The following NEUROD2 variants were observed in gnomAD, a reference collection of about 807,000 sequenced individuals.
NEUROD2 encodes neuronal differentiation 2, also known as neurogenic differentiation factor 2.
In NEUROD2, 5 loss-of-function variants were observed where a neutral mutation model predicts 9.3. The observed-to-expected ratio is 0.54, with a 90% CI of 0.28 to 1.13. The LOEUF (loss-of-function observed/expected upper bound fraction) is 1.13. NEUROD2 is among the 50% of genes most tolerant of loss of function. NEUROD2 has a pLI of 0.10. For synonymous variants in NEUROD2, 277 were observed against 257.3 expected (o/e 1.08, Z -0.73); for missense variants, 376 against 549.2 (o/e 0.68, Z 3.15).
rs757097176 is a variant in NEUROD2, at chr17:39,606,358, C to T, written c.242G>A (p.Gly81Glu). ...AEVKEEGELG[G>E]EEEEEEEEEE... ...CTCCTCCTCTTCCTCCTCCTCCTCT[C>T]CCCCCAGCTCGCCTTCCTCCTTGAC... The change falls in exon 2 of 2, where the codon GGA becomes GAA. Residue 81 changes from glycine (G) to glutamate (E), a missense_variant. Coordinates refer to ENST00000302584, the MANE Select transcript of NEUROD2 (RefSeq NM_006160.4). This position sits in a 1 kb window ranked among gnomAD's most constrained non-coding sequence, Gnocchi z 7.8. 10 of 1,572,058 alleles carry T rather than the reference C, an allele frequency of 6.4e-6. No individual in the cohort carries two copies. Among genetic ancestry groups the T allele is most frequent in the East Asian group, 4.7e-5 (2 of 42,770 alleles).
In NEUROD2 at chr17:39,603,966, C is replaced by T. The variant is rs1298054594; in HGVS notation, c.*1485G>A. The stretch of plus-strand genomic sequence containing the variant: ...GCATCGTGTATTTGGATGCCTGATC[C>T]CCTGCCTCCGGTGGGCAGAGGGTCT... On this transcript the variant is annotated 3_prime_UTR_variant, in exon 2 of 2. Transcript: ENST00000302584. 1 of 152,710 alleles carries T rather than the reference C, an allele frequency of 6.5e-6. No homozygotes were observed. Among genetic ancestry groups the T allele is most frequent in the Non-Finnish European group, 1.5e-5 (1 of 68,040 alleles). The allele number at this position is 152,710 out of a possible 1,614,324, so 9.5% of individuals were successfully genotyped here. A position where few individuals can be genotyped will look rare whatever the true frequency, so the allele number is the denominator to read the frequency against.
In NEUROD2 at chr17:39,605,118, G is replaced by A; in HGVS notation, c.*333C>T. The A allele has an allele frequency of 4.5e-6, 1 of 223,390 alleles. No individual in the cohort carries two copies. Among genetic ancestry groups the A allele is most frequent in the Admixed American group, 5.7e-5 (1 of 17,480 alleles). 13.8% of individuals were successfully genotyped at this position (223,390 alleles called of 1,614,324 possible). ...AACGCCTTGGGCCTGCAGGGAGGAG[G>A]GGGAGGAGGAAACCTCAGCGAAGAT... is the stretch of plus-strand genomic sequence containing the variant. On this transcript the variant is annotated 3_prime_UTR_variant, in exon 2 of 2. Coordinates refer to ENST00000302584, the MANE Select transcript of NEUROD2 (RefSeq NM_006160.4). This position sits in a 1 kb window ranked among gnomAD's most constrained non-coding sequence, Gnocchi z 6.8.
rs2056770370 is a variant in NEUROD2, at chr17:39,606,690, C to T, written c.-5-86G>A. The T allele has an allele frequency of 2.2e-6, 3 of 1,336,618 alleles. No individual in the cohort carries two copies. The highest frequency in any genetic ancestry group is 2.9e-5 in the East Asian group (1 of 34,814). 82.8% of individuals were successfully genotyped at this position (1,336,618 alleles called of 1,614,324 possible). ...GGTACCGACGCCCCCCCACAACCCT[C>T]CTCCACCCCCGAGTCTCGTGCGGGC... On this transcript the variant is annotated intron_variant, in intron 1 of 1. Coordinates refer to ENST00000302584, the MANE Select transcript of NEUROD2 (RefSeq NM_006160.4). The surrounding 1 kb of genome is among the most constrained non-coding windows in gnomAD (Gnocchi z 7.8).
rs2056762999 is a variant in NEUROD2, at chr17:39,605,360, G to T, written c.*91C>A. On this transcript the variant is annotated 3_prime_UTR_variant, in exon 2 of 2. Transcript: ENST00000302584. This position sits in a 1 kb window ranked among gnomAD's most constrained non-coding sequence, Gnocchi z 6.8. Reference sequence around the variant, plus strand: ...TGGCCCGCTCCCCGCGCCCGGCGCCGGGGTAGGATGGGGGTGTCCCTGCGC... The same window carrying T: ...TGGCCCGCTCCCCGCGCCCGGCGCCTGGGTAGGATGGGGGTGTCCCTGCGC... 1.4e-6 allele frequency: 2 copies of T among 1,427,340 alleles called. No individual in the cohort carries two copies. Among genetic ancestry groups the T allele is most frequent in the Admixed American group, 2.8e-5 (1 of 35,202 alleles). The allele number at this position is 1,427,340 out of a possible 1,614,324, so 88.4% of individuals were successfully genotyped here.
At position 39,605,559 on chromosome 17, in the gene NEUROD2, C is replaced by A; in HGVS notation, c.1041G>T (p.Ser347=). 1 of 1,613,540 alleles carries A rather than the reference C, an allele frequency of 6.2e-7. No homozygotes were observed. The highest frequency in any genetic ancestry group is 8.5e-7 in the Non-Finnish European group (1 of 1,179,846). ...CCGAGTGGACGCCCCCGCGCACAGCCGACGAGCCGAAGACTAGCCCGTGGC... is the reference window on the plus strand; with the variant it reads ...CCGAGTGGACGCCCCCGCGCACAGCAGACGAGCCGAAGACTAGCCCGTGGC... ...PTGHGLVFGS[S]AVRGGVHSEN... The change falls in exon 2 of 2, where the codon TCG becomes TCT. Residue 347 remains serine (S), a synonymous_variant. Transcript: ENST00000302584. The surrounding 1 kb of genome is among the most constrained non-coding windows in gnomAD (Gnocchi z 6.8).
rs1343527570 is a variant in NEUROD2, at chr17:39,606,561, C to G, written c.39G>C (p.Ser13=). Residue 13 remains serine, a synonymous_variant, in exon 2 of 2, where the codon TCG becomes TCC. Transcript: ENST00000302584. This position sits in a 1 kb window ranked among gnomAD's most constrained non-coding sequence, Gnocchi z 7.8. ...TRLFSEPGLL[S]DVPKFASWGD... is the part of the protein sequence containing the mutation. The stretch of plus-strand genomic sequence containing the variant: ...CCCAGCTGGCGAACTTGGGCACGTC[C>G]GAGAGAAGGCCGGGCTCGCTGAACA... 2 of 1,584,532 alleles carry G rather than the reference C, an allele frequency of 1.3e-6. No individual in the cohort carries two copies. The highest frequency in any genetic ancestry group is 2.7e-5 in the African/African-American group (2 of 73,188).
Position 39,605,486 on chromosome 17 carries a change from T to C in NEUROD2, c.1114A>G (p.Met372Val), listed in dbSNP as rs754276357. ...DMHLHHDRGP[M>V]YEELNAFFHN ...AAAAACGCATTGAGCTCCTCGTACA[T>C]GGGGCCCCGGTCGTGGTGAAGGTGC... Residue 372 changes from methionine to valine, a missense_variant, in exon 2 of 2, where the codon ATG becomes GTG. Physicochemically the swap from Met to Val is conservative, Grantham distance 21 (BLOSUM62 1). Transcript: ENST00000302584. The surrounding 1 kb of genome is among the most constrained non-coding windows in gnomAD (Gnocchi z 6.8). The C allele has an allele frequency of 1.9e-6, 3 of 1,605,506 alleles. No homozygotes were observed. Among genetic ancestry groups the C allele is most frequent in the African/African-American group, 1.3e-5 (1 of 74,540 alleles).
Position 39,606,600 on chromosome 17 carries a change from G to C in NEUROD2, c.-1C>G. The C allele has an allele frequency of 6.5e-7, 1 of 1,550,250 alleles. No individual in the cohort carries two copies. The highest frequency in any genetic ancestry group is 8.6e-7 in the Non-Finnish European group (1 of 1,161,040). On this transcript the variant is annotated 5_prime_UTR_variant, in exon 2 of 2. Transcript: ENST00000302584. This position sits in a 1 kb window ranked among gnomAD's most constrained non-coding sequence, Gnocchi z 7.8. ...GCTCGCTGAACAGGCGGGTCAGCATGGTGCCTGAGGGCGCCCCGCGGGCGG... is the reference window on the plus strand; with the variant it reads ...GCTCGCTGAACAGGCGGGTCAGCATCGTGCCTGAGGGCGCCCCGCGGGCGG...
Position 39,604,826 on chromosome 17 carries a change from G to C in NEUROD2, c.*625C>G, listed in dbSNP as rs958754433. Reference sequence around the variant, plus strand: ...TTTGTTTGTTTAAAAAAAGGAAAAGGGAAAAACGGATTCTAGTTACAAATT... The same window carrying C: ...TTTGTTTGTTTAAAAAAAGGAAAAGCGAAAAACGGATTCTAGTTACAAATT... On this transcript the variant is annotated 3_prime_UTR_variant, in exon 2 of 2. Coordinates refer to ENST00000302584, the MANE Select transcript of NEUROD2 (RefSeq NM_006160.4). The C allele has an allele frequency of 3.4e-5, 4 of 117,684 alleles. No homozygotes were observed. Among genetic ancestry groups the C allele is most frequent in the African/African-American group, 1.3e-4 (4 of 29,990 alleles). 7.3% of individuals were successfully genotyped at this position (117,684 alleles called of 1,614,324 possible).
In NEUROD2 at chr17:39,605,829, C is replaced by T. The variant is rs200708991; in HGVS notation, c.771G>A (p.Leu257=). The change falls in exon 2 of 2, where the codon CTG becomes CTA. Residue 257 remains leucine (L), a synonymous_variant. Transcript: ENST00000302584. The surrounding 1 kb of genome is among the most constrained non-coding windows in gnomAD (Gnocchi z 6.8). ...GCAGGGCGTGCGCCGCGCCGCCGCCCAGGCCGCCGGCCGCCTGGCACTGTG... is the reference window on the plus strand; with the variant it reads ...GCAGGGCGTGCGCCGCGCCGCCGCCTAGGCCGCCGGCCGCCTGGCACTGTG... ...AGAQCQAAGG[L]GGGAAHALRT... is the part of the protein sequence containing the mutation. 8.9e-4 allele frequency: 1,220 copies of T among 1,369,674 alleles called. 10 individuals carry two copies. In the African/African-American group the frequency reaches 0.016, roughly 18 times the overall value. The allele number at this position is 1,369,674 out of a possible 1,614,324, so 84.8% of individuals were successfully genotyped here. A position where few individuals can be genotyped will look rare whatever the true frequency, so the allele number is the denominator to read the frequency against.
chr17:39,606,059 T>G lies in NEUROD2; in HGVS notation c.541A>C (p.Lys181Gln). Residue 181 changes from lysine to glutamine, a missense_variant, in exon 2 of 2, where the codon AAG (lysine) becomes CAG (glutamine). Lys to Gln is a moderately conservative substitution (Grantham distance 53). Around this residue, in one of 3 missense-constraint regions of NEUROD2, gnomAD observed 49 missense variants for 159.8 expected, o/e 0.31. Coordinates refer to ENST00000302584, the MANE Select transcript of NEUROD2 (RefSeq NM_006160.4). This position sits in a 1 kb window ranked among gnomAD's most constrained non-coding sequence, Gnocchi z 7.8. ...ACGTAGGACACTAGGTCTGGCCGCT[T>G]GCCGGAGCGCAGGATCTCCGAGAGC... ...WALSEILRSG[K>Q]RPDLVSYVQT... The G allele has an allele frequency of 6.2e-7, 1 of 1,613,940 alleles. No homozygotes were observed. Among genetic ancestry groups the G allele is most frequent in the Non-Finnish European group, 8.5e-7 (1 of 1,179,828 alleles).
Position 39,606,656 on chromosome 17 carries a change from G to T in NEUROD2, c.-5-52C>A, listed in dbSNP as rs2056770204. ...GGAGACAGACAGCACAAAGTGAGGGGCGCGCTGGGGTACCGACGCCCCCCC... is the reference window on the plus strand; with the variant it reads ...GGAGACAGACAGCACAAAGTGAGGGTCGCGCTGGGGTACCGACGCCCCCCC... On this transcript the variant is annotated intron_variant, in intron 1 of 1. Transcript: ENST00000302584. The surrounding 1 kb of genome is among the most constrained non-coding windows in gnomAD (Gnocchi z 7.8). The T allele has an allele frequency of 2.7e-6, 4 of 1,454,958 alleles. No homozygotes were observed. The South Asian group carries it at 5.4e-5, about 20-fold the overall frequency. 90.1% of individuals were successfully genotyped at this position (1,454,958 alleles called of 1,614,324 possible). A position where few individuals can be genotyped will look rare whatever the true frequency, so the allele number is the denominator to read the frequency against.
In NEUROD2 at chr17:39,606,366, C is replaced by G; in HGVS notation, c.234G>C (p.Glu78Asp). ...ATLAEVKEEGELGGEEEEEEE... is the reference protein window; with the variant it reads ...ATLAEVKEEGDLGGEEEEEEE... Reference sequence around the variant, plus strand: ...CTTCCTCCTCCTCCTCTCCCCCCAGCTCGCCTTCCTCCTTGACCTCGGCCA... The same window carrying G: ...CTTCCTCCTCCTCCTCTCCCCCCAGGTCGCCTTCCTCCTTGACCTCGGCCA... Residue 78 changes from glutamate (E) to aspartate (D), a missense_variant, in exon 2 of 2, where the codon GAG (glutamate) becomes GAC (aspartate). By Grantham distance (45) the Glu-to-Asp change is conservative (BLOSUM62 2). Coordinates refer to ENST00000302584, the MANE Select transcript of NEUROD2 (RefSeq NM_006160.4). This position sits in a 1 kb window ranked among gnomAD's most constrained non-coding sequence, Gnocchi z 7.8. The G allele has an allele frequency of 6.4e-7, 1 of 1,567,744 alleles. No homozygotes were observed. Among genetic ancestry groups the G allele is most frequent in the Non-Finnish European group, 8.6e-7 (1 of 1,159,270 alleles).
rs2056776388 is a variant in NEUROD2 at position 39,607,805 on chromosome 17, C to T, written c.-83G>A. The T allele has an allele frequency of 1.2e-5, 2 of 165,148 alleles. No individual in the cohort carries two copies. The highest frequency in any genetic ancestry group is 1.3e-4 in the Admixed American group (2 of 15,302). The allele number at this position is 165,148 out of a possible 1,614,324, so 10.2% of individuals were successfully genotyped here. On this transcript the variant is annotated 5_prime_UTR_variant, in exon 1 of 2. Transcript: ENST00000302584. ...AGAGAGGGGGGAGAAGAGGGATCTTCTCGCTTATTTCATTGTTCCCCCATC... is the reference window on the plus strand; with the variant it reads ...AGAGAGGGGGGAGAAGAGGGATCTTTTCGCTTATTTCATTGTTCCCCCATC...
chr17:39,607,583 G>A, intron 1 of NEUROD2, 145 bp downstream of exon 1: 1 of 984,672 alleles, frequency 1.0e-6, no homozygotes. Flanking sequence ...CTAAGGGAGA[G>A]AGAACCTGGG....
rs990256054 is a variant in NEUROD2, at chr17:39,604,604, T to C, written c.*847A>G. ...CGAGGCTCAGTGGAGCCTCCTTGCA[T>C]AGATATTTGTGTCTTTGATTATTGG... On this transcript the variant is annotated 3_prime_UTR_variant, in exon 2 of 2. Coordinates refer to ENST00000302584, the MANE Select transcript of NEUROD2 (RefSeq NM_006160.4). 2 of 151,594 alleles carry C rather than the reference T, an allele frequency of 1.3e-5. No individual in the cohort carries two copies. Among genetic ancestry groups the C allele is most frequent in the Non-Finnish European group, 2.9e-5 (2 of 67,896 alleles). The allele number at this position is 151,594 out of a possible 1,614,324, so 9.4% of individuals were successfully genotyped here. A position where few individuals can be genotyped will look rare whatever the true frequency, so the allele number is the denominator to read the frequency against.
chr17:39,606,724 A>G lies in NEUROD2; in HGVS notation c.-5-120T>C, dbSNP rs2056770566. ...CCGAGTCTCGTGCGGGCTCCTGCCT[A>G]GGCTACCCTGGATGCCCACCTCCGC... On this transcript the variant is annotated intron_variant, in intron 1 of 1. Transcript: ENST00000302584. The surrounding 1 kb of genome is among the most constrained non-coding windows in gnomAD (Gnocchi z 7.8). The G allele has an allele frequency of 8.9e-7, 1 of 1,126,066 alleles. No homozygotes were observed. Among genetic ancestry groups the G allele is most frequent in the African/African-American group, 1.7e-5 (1 of 59,856 alleles). 69.8% of individuals were successfully genotyped at this position (1,126,066 alleles called of 1,614,324 possible).
At position 39,607,469 on chromosome 17, in the gene NEUROD2, G is replaced by A. The variant is rs112075252; in HGVS notation, c.-6+259C>T. ...TGGGACAACCATGGAGGGGTCCTCCGTCTCGGCCTCTTCGCATATCCCCCT... is the reference window on the plus strand; with the variant it reads ...TGGGACAACCATGGAGGGGTCCTCCATCTCGGCCTCTTCGCATATCCCCCT... On this transcript the variant is annotated intron_variant, in intron 1 of 1. Coordinates refer to ENST00000302584, the MANE Select transcript of NEUROD2 (RefSeq NM_006160.4). 6.1e-3 allele frequency: 2,037 copies of A among 334,574 alleles called. 44 individuals are homozygous for A. Among genetic ancestry groups the A allele is most frequent in the African/African-American group, 0.043 (1,926 of 44,758 alleles). 20.7% of individuals were successfully genotyped at this position (334,574 alleles called of 1,614,324 possible).
Position 39,605,970 on chromosome 17 carries a change from G to A in NEUROD2, c.630C>T (p.Leu210=). 1 of 1,613,664 alleles carries A rather than the reference G, an allele frequency of 6.2e-7. No homozygotes were observed. ...TTNLVAGCLQ[L]NSRNFLTEQG... The stretch of plus-strand genomic sequence containing the variant: ...GCTCCGTGAGGAAGTTGCGAGAGTT[G>A]AGCTGCAGACAGCCGGCCACCAGAT... Residue 210 remains leucine (L), a synonymous_variant, in exon 2 of 2, where the codon CTC becomes CTT. Coordinates refer to ENST00000302584, the MANE Select transcript of NEUROD2 (RefSeq NM_006160.4). This position sits in a 1 kb window ranked among gnomAD's most constrained non-coding sequence, Gnocchi z 6.8.
Sources: allele counts gnomAD v4.1 joint callset, GRCh38; gene constraint gnomAD v4.1.1; regional missense constraint gnomAD v4.1.1; non-coding constraint Gnocchi (gnomAD v3.1); transcripts MANE v1.5; gene names NCBI Gene and HGNC (gene_info 2026-07-23, HGNC 2026-07-21).